The following NRBP2 variants were observed in gnomAD, a reference collection of about 807,000 sequenced individuals.
NRBP2 encodes the protein nuclear receptor binding protein 2.
In NRBP2, 47 loss-of-function variants were observed where a neutral mutation model predicts 74.4. That is an observed-to-expected ratio of 0.63 (90% confidence interval 0.50 to 0.81). The LOEUF is 0.81. Among genes scored for constraint, NRBP2 ranks in the 30% least tolerant of loss-of-function variants. The pLI, the probability that NRBP2 is intolerant of heterozygous loss-of-function variation, is 0.00. For missense variants in NRBP2, 613 were observed against 690.1 expected (o/e 0.89, Z 1.25); for synonymous variants, 312 against 273.8 (o/e 1.14, Z -1.38).
chr8:143,835,563 A>G lies in NRBP2; in HGVS notation c.*99T>C, dbSNP rs1818325109. ...TCACTACCGGGGCCTTTGTGCTCCCAGGCGCATGGAGGAGGGCAGCCCCAC... is the reference window on the plus strand; with the variant it reads ...TCACTACCGGGGCCTTTGTGCTCCCGGGCGCATGGAGGAGGGCAGCCCCAC... On this transcript the variant is annotated 3_prime_UTR_variant, in exon 18 of 18. Transcript: ENST00000442628. The surrounding 1 kb of genome is among the most constrained non-coding windows in gnomAD (Gnocchi z 4.9). The G allele has an allele frequency of 2.0e-6, 2 of 1,000,674 alleles. No individual in the cohort carries two copies. The highest frequency in any genetic ancestry group is 1.7e-5 in the African/African-American group (1 of 60,512). 62.0% of individuals were successfully genotyped at this position (1,000,674 alleles called of 1,614,324 possible).
intron 14 of NRBP2, among the ~76,000 whole-genome samples, chr8:143,836,665 C>T (rs933203127): frequency 3.2e-5 from 4 of 126,026 alleles, no homozygotes; most frequent in Non-Finnish European, 4.8e-5. Flanking sequence ...CATAGATGTC[C>T]GGGAATCAGC....
chr8:143,832,814 A>G (rs1398578356), downstream of NRBP2, among the ~76,000 whole-genome samples: 1 of 152,136 alleles, frequency 6.6e-6, no homozygotes, highest in Non-Finnish European at 1.5e-5. Context: ...GGCTGGCGGG[A>G]TCCTCCATAT....
At chr8:143,836,237 C>T (rs1563859267) in intron 14 of NRBP2, 57 bp from the exon 15 acceptor site, 1 of 1,467,934 alleles carries the variant, frequency 6.8e-7, no homozygotes, top group Non-Finnish European at 9.0e-7. Flanking sequence ...CATGCCGCGG[C>T]CCCAAAGGGG....
At position 143,835,700 on chromosome 8, in the gene NRBP2, C is replaced by T; in HGVS notation, c.1468G>A (p.Glu490Lys). Residue 490 changes from glutamate to lysine, a missense_variant, in exon 18 of 18, where the codon GAG becomes AAG. Coordinates refer to ENST00000442628, the MANE Select transcript of NRBP2 (RefSeq NM_178564.4). This position sits in a 1 kb window ranked among gnomAD's most constrained non-coding sequence, Gnocchi z 4.9. ...CCACGGTACTTGAGGAAGGTGCTCT[C>T]CAGGAAGGCGGCCAGCTTCATCCGG... ...DDRMKLAAFL[E>K]STFLKYRGTQ... 1 of 1,600,366 alleles carries T rather than the reference C, an allele frequency of 6.2e-7. No homozygotes were observed. Among genetic ancestry groups the T allele is most frequent in the Non-Finnish European group, 8.5e-7 (1 of 1,174,708 alleles).
Position 143,837,081 on chromosome 8 carries a change from G to C in NRBP2, c.1221C>G (p.Ala407=), listed in dbSNP as rs782138050. ...LAPPPEEVQK[A]KTPTPEPFDS... ...CAAAGGGCTCTGGCGTCGGGGTCTT[G>C]GCCTTTTGGACCTCCTCCGGGGGTG... Residue 407 remains alanine, a synonymous_variant, in exon 14 of 18, where the codon GCC becomes GCG. Transcript: ENST00000442628. This position sits in a 1 kb window ranked among gnomAD's most constrained non-coding sequence, Gnocchi z 4.3. 3.7e-6 allele frequency: 6 copies of C among 1,611,870 alleles called. No homozygotes were observed. The African/African-American group carries it at 8.0e-5, about 22-fold the overall frequency.
Position 143,840,794 on chromosome 8 carries a change from C to A in NRBP2, c.41G>T (p.Arg14Leu). Reference sequence around the variant, plus strand: ...GCTCTCGTCCTCCCGCTCCCGCTCCCGTTCCCGGGCCCGCCTCGGCGCCGG... The same window carrying A: ...GCTCTCGTCCTCCCGCTCCCGCTCCAGTTCCCGGGCCCGCCTCGGCGCCGG... Reference protein sequence around the residue: ...PEPAPRRAREREREREDESED... With the variant: ...PEPAPRRARELEREREDESED... Residue 14 changes from arginine to leucine, a missense_variant, in exon 1 of 18, where the codon CGG becomes CTG. By Grantham distance (102) the Arg-to-Leu change is moderately radical. This residue lies in a region of NRBP2 where 332 missense variants were observed against 429.2 expected (regional missense o/e 0.77). Transcript: ENST00000442628. The surrounding 1 kb of genome is among the most constrained non-coding windows in gnomAD (Gnocchi z 5.7). The A allele has an allele frequency of 6.7e-7, 1 of 1,503,040 alleles. No homozygotes were observed. Among genetic ancestry groups the A allele is most frequent in the Non-Finnish European group, 8.8e-7 (1 of 1,131,904 alleles). The allele number at this position is 1,503,040 out of a possible 1,614,324, so 93.1% of individuals were successfully genotyped here.
Position 143,835,857 on chromosome 8 carries a change from AG to A in NRBP2, c.1399del (p.Leu467SerfsTer17). ...GCCATAGTGCACGAGCTCCGAGGCG[AG>A]GTCCTGGGCGCTGTCCGCTGAGGCA... ...DLLPTDSAQD[L>X]ASELVHYGFL... On this transcript the variant is annotated frameshift_variant, in exon 17 of 18. Transcript: ENST00000442628. LOFTEE classifies it high-confidence loss of function. This position sits in a 1 kb window ranked among gnomAD's most constrained non-coding sequence, Gnocchi z 4.9. 1 of 1,601,014 alleles carries A rather than the reference AG, an allele frequency of 6.2e-7. No homozygotes were observed. Among genetic ancestry groups the A allele is most frequent in the Non-Finnish European group, 8.5e-7 (1 of 1,176,938 alleles).
In NRBP2 at chr8:143,840,461, A is replaced by G. The variant is rs1431039332; in HGVS notation, c.130-232T>C. The G allele has an allele frequency of 3.2e-5, 22 of 680,408 alleles. No homozygotes were observed. The highest frequency in any genetic ancestry group is 4.4e-5 in the Non-Finnish European group (18 of 413,350). The allele number at this position is 680,408 out of a possible 1,614,324, so 42.1% of individuals were successfully genotyped here. ...TTTCAGGGGGTCGAGGGGGATCCCCAGGAAGCTAGCGGCTGAGTCCAGAGG... is the reference window on the plus strand; with the variant it reads ...TTTCAGGGGGTCGAGGGGGATCCCCGGGAAGCTAGCGGCTGAGTCCAGAGG... On this transcript the variant is annotated intron_variant, in intron 1 of 17. Transcript: ENST00000442628. This position sits in a 1 kb window ranked among gnomAD's most constrained non-coding sequence, Gnocchi z 5.7.
chr8:143,836,463 C>T (rs1276077772), intron 14 of NRBP2, among the ~76,000 whole-genome samples: 11 of 151,900 alleles, frequency 7.2e-5, no homozygotes, highest in African/African-American at 1.2e-4. Flanking sequence ...GACAGGACCG[C>T]GCCGAAGTGC....
In NRBP2 at chr8:143,840,050, G is replaced by C. The variant is rs1414279158; in HGVS notation, c.253-20C>G. The C allele has an allele frequency of 1.3e-6, 2 of 1,536,126 alleles. No homozygotes were observed. The highest frequency in any genetic ancestry group is 2.0e-5 in the Admixed American group (1 of 51,006). ...CTTCTCCTGGGGAGGGAGGGTGGTCGCTGGGTGGTCAGCAGGTGGTCACCC... is the reference window on the plus strand; with the variant it reads ...CTTCTCCTGGGGAGGGAGGGTGGTCCCTGGGTGGTCAGCAGGTGGTCACCC... On this transcript the variant is annotated intron_variant, in intron 2 of 17. Transcript: ENST00000442628. This position sits in a 1 kb window ranked among gnomAD's most constrained non-coding sequence, Gnocchi z 5.7.
chr8:143,832,105 A>T (rs1308821383), downstream of NRBP2, among the ~76,000 whole-genome samples: 11 of 152,194 alleles, frequency 7.2e-5, no homozygotes, highest in Non-Finnish European at 1.6e-4. Context: ...AGACTCTGTT[A>T]ATCTATGACC....
In NRBP2 at chr8:143,840,923, C is replaced by A; in HGVS notation, c.-89G>T. 5 of 1,182,190 alleles carry A rather than the reference C, an allele frequency of 4.2e-6. No homozygotes were observed. The highest frequency in any genetic ancestry group is 5.2e-6 in the Non-Finnish European group (5 of 958,062). 73.2% of individuals were successfully genotyped at this position (1,182,190 alleles called of 1,614,324 possible). Reference sequence around the variant, plus strand: ...CGCCCTGGCCTCGCGCCCAGCAGCCCAGCCTAGAGCCGCCGCGGCAGCCTA... The same window carrying A: ...CGCCCTGGCCTCGCGCCCAGCAGCCAAGCCTAGAGCCGCCGCGGCAGCCTA... On this transcript the variant is annotated 5_prime_UTR_variant, in exon 1 of 18. Coordinates refer to ENST00000442628, the MANE Select transcript of NRBP2 (RefSeq NM_178564.4). The surrounding 1 kb of genome is among the most constrained non-coding windows in gnomAD (Gnocchi z 5.7).
In NRBP2 at chr8:143,840,451, G is replaced by A. The variant is rs782333607; in HGVS notation, c.130-222C>T. ...TTGGAGCAGGTTTCAGGGGGTCGAG[G>A]GGGATCCCCAGGAAGCTAGCGGCTG... On this transcript the variant is annotated intron_variant, in intron 1 of 17. Transcript: ENST00000442628. This position sits in a 1 kb window ranked among gnomAD's most constrained non-coding sequence, Gnocchi z 5.7. 5 of 703,746 alleles carry A rather than the reference G, an allele frequency of 7.1e-6. No homozygotes were observed. The highest frequency in any genetic ancestry group is 1.8e-5 in the African/African-American group (1 of 55,580). 43.6% of individuals were successfully genotyped at this position (703,746 alleles called of 1,614,324 possible). A position where few individuals can be genotyped will look rare whatever the true frequency, so the allele number is the denominator to read the frequency against.
chr8:143,839,317 AG>A lies in NRBP2; in HGVS notation c.576del (p.Ser193ProfsTer82), dbSNP rs2130554886. The A allele has an allele frequency of 7.6e-7, 1 of 1,315,926 alleles. No individual in the cohort carries two copies. Among genetic ancestry groups the A allele is most frequent in the East Asian group, 2.8e-5 (1 of 35,936 alleles). The allele number at this position is 1,315,926 out of a possible 1,614,324, so 81.5% of individuals were successfully genotyped here. On this transcript the variant is annotated frameshift_variant, in exon 6 of 18. Transcript: ENST00000442628. LOFTEE classifies it high-confidence loss of function. This position sits in a 1 kb window ranked among gnomAD's most constrained non-coding sequence, Gnocchi z 5.1. ...FIQHNGLIKI[G>X]SVWHRIFSNA... ...CCCAGCCCTGCCCCGCCAGCACCGG[AG>A]CCGATCTTGATGAGGCCGTTGTGCT...
At chr8:143,836,466 CGAAGTGCA>C (rs1322469186) in intron 14 of NRBP2, among the ~76,000 whole-genome samples, 1 of 151,826 alleles carries the variant, frequency 6.6e-6, no homozygotes. Flanking sequence ...AGGACCGCGC[CGAAGTGCA>C]CGGTGCCTGC....
rs782535841 is a variant in NRBP2, at chr8:143,835,909, G to A, written c.1382-34C>T. 1.7e-5 allele frequency: 27 copies of A among 1,595,856 alleles called. No individual in the cohort carries two copies. The highest frequency in any genetic ancestry group is 1.3e-4 in the East Asian group (6 of 44,474). On this transcript the variant is annotated intron_variant, in intron 16 of 17. Transcript: ENST00000442628. This position sits in a 1 kb window ranked among gnomAD's most constrained non-coding sequence, Gnocchi z 4.9. ...ATGGCGTAAGGCGAGGCATGAGGCCGCTGCCCACCCGCCGCCTGGGGTCAC... is the reference window on the plus strand; with the variant it reads ...ATGGCGTAAGGCGAGGCATGAGGCCACTGCCCACCCGCCGCCTGGGGTCAC...
chr8:143,837,314 G>A lies in NRBP2; in HGVS notation c.1077-15C>T. The A allele has an allele frequency of 6.2e-7, 1 of 1,612,062 alleles. No individual in the cohort carries two copies. The highest frequency in any genetic ancestry group is 1.1e-5 in the South Asian group (1 of 90,886). On this transcript the variant is annotated splice_polypyrimidine_tract_variant and intron_variant, in intron 12 of 17. Coordinates refer to ENST00000442628, the MANE Select transcript of NRBP2 (RefSeq NM_178564.4). The surrounding 1 kb of genome is among the most constrained non-coding windows in gnomAD (Gnocchi z 4.3). ...CTTCCGAGTACCTGGCATGGAAGTG[G>A]GAGGCACATGAGGGGCTGGCCGGGG...
rs1336775215 is a variant in NRBP2 at position 143,834,076 on chromosome 8, A to G, written c.*1586T>C. 4 of 152,296 alleles carry G rather than the reference A, an allele frequency of 2.6e-5. No individual in the cohort carries two copies. Among genetic ancestry groups the G allele is most frequent in the South Asian group, 2.1e-4 (1 of 4,826 alleles). The allele number at this position is 152,296 out of a possible 1,614,324, so 9.4% of individuals were successfully genotyped here. On this transcript the variant is annotated 3_prime_UTR_variant, in exon 18 of 18. Transcript: ENST00000442628. The stretch of plus-strand genomic sequence containing the variant: ...CCCCAACAAAAGAGGTTCATTCCTT[A>G]ATCCCTGGAACCAGTGAATGTTAGT...
chr8:143,830,190 T>A (rs893917728), downstream of NRBP2, among the ~76,000 whole-genome samples: 3 of 152,120 alleles, frequency 2.0e-5, no homozygotes, highest in African/African-American at 7.2e-5. Flanking sequence ...TCCAAAATTA[T>A]AGGAAAGGGG....
Sources: allele counts gnomAD v4.1 joint callset (sites outside exome capture counted in the v4.1 genomes callset), GRCh38; gene constraint gnomAD v4.1.1; regional missense constraint gnomAD v4.1.1; non-coding constraint Gnocchi (gnomAD v3.1); transcripts MANE v1.5; gene names NCBI Gene and HGNC (gene_info 2026-07-23, HGNC 2026-07-21).